SCN2A: variants seen among roughly 807,000 people sequenced by gnomAD.
SCN2A encodes sodium channel protein type 2 subunit alpha.
Under a neutral mutation model 188.7 loss-of-function variants are expected in SCN2A, and 20 were observed. The ratio of observed to expected loss-of-function variants is 0.11; its 90% CI spans 0.07 to 0.15. SCN2A has a LOEUF of 0.15. Ranked by LOEUF, SCN2A falls within the 10% of genes least tolerant of loss-of-function variation. The pLI, the probability that SCN2A is intolerant of heterozygous loss-of-function variation, is 1.00. For missense variants in SCN2A, 1,278 were observed against 2,445.0 expected (o/e 0.52, Z 10.07); for synonymous variants, 804 against 833.1 (o/e 0.97, Z 0.60).
Position 165,390,023 on chromosome 2 carries a change from C to A in SCN2A, c.*199C>A. 1 of 793,390 alleles carries A rather than the reference C, an allele frequency of 1.3e-6. No homozygotes were observed. Among genetic ancestry groups the A allele is most frequent in the African/African-American group, 1.7e-5 (1 of 57,314 alleles). 49.1% of individuals were successfully genotyped at this position (793,390 alleles called of 1,614,324 possible). A position where few individuals can be genotyped will look rare whatever the true frequency, so the allele number is the denominator to read the frequency against. The stretch of plus-strand genomic sequence containing the variant: ...ACTCAGTAAACTGGAGAAATAGTAT[C>A]GATGGGAGGTTTCTATTTTCACAAC... On this transcript the variant is annotated 3_prime_UTR_variant, in exon 27 of 27. Coordinates refer to ENST00000375437, the MANE Select transcript of SCN2A (RefSeq NM_001040142.2).
In SCN2A at chr2:165,260,710, T is replaced by C. The variant is rs147046958; in HGVS notation, c.-52+21070T>C. 8.8e-3 allele frequency among the ~76,000 whole-genome samples: 1,340 copies of C among 152,086 alleles called. 22 individuals are homozygous for C. The highest frequency in any genetic ancestry group is 0.062 in the East Asian group (318 of 5,144). ...GGCCAGGCATGGTGGCTCATGCCTG[T>C]AATCTCAGCACTTTGGGAGGCTGAG... is the stretch of plus-strand genomic sequence containing the variant. On this transcript the variant is annotated intron_variant, in intron 1 of 26. Coordinates refer to ENST00000375437, the MANE Select transcript of SCN2A (RefSeq NM_001040142.2).
intron 16 of SCN2A, among the ~76,000 whole-genome samples, chr2:165,350,464 C>CTTTCT (rs1699830486): frequency 4.1e-5 from 3 of 73,848 alleles, no homozygotes; most frequent in African/African-American, 6.1e-5. Flanking sequence ...TGTTTTCTTT[C>CTTTCT]TTTTTTTTTT....
At chr2:165,245,981 T>TTA (rs1340678147) in intron 1 of SCN2A, among the ~76,000 whole-genome samples, 7 of 152,154 alleles carry the variant, frequency 4.6e-5, no homozygotes, top group Non-Finnish European at 1.0e-4. Context: ...GAATCCTTAG[T>TTA]TATATCACCA....
intron 17 of SCN2A, among the ~76,000 whole-genome samples, chr2:165,360,912 T>C (rs1700429710): frequency 6.6e-6 from 1 of 151,990 alleles, no homozygotes; most frequent in Non-Finnish European, 1.5e-5. Context: ...CTGAAAATTC[T>C]TAAGTGCATG....
chr2:165,265,475 A>ATATATATC (rs1694806769), intron 1 of SCN2A, among the ~76,000 whole-genome samples: 2 of 69,612 alleles, frequency 2.9e-5, no homozygotes, highest in Non-Finnish European at 5.6e-5. Context: ...GTTGATCTAT[A>ATATATATC]TATATATATA....
intron 17 of SCN2A, among the ~76,000 whole-genome samples, chr2:165,361,308 C>A (rs946756724): frequency 1.3e-5 from 2 of 151,868 alleles, no homozygotes; most frequent in African/African-American, 4.8e-5. Context: ...TGAATTAATA[C>A]TAAAGTTCAT....
chr2:165,318,034 A>G (rs542781143), intron 11 of SCN2A, among the ~76,000 whole-genome samples: 2 of 152,146 alleles, frequency 1.3e-5, no homozygotes, highest in South Asian at 4.2e-4. Context: ...GAAAATGTCA[A>G]ACCAGATAGA....
In SCN2A at chr2:165,370,142, A is replaced by T; in HGVS notation, c.3692A>T (p.Tyr1231Phe). Residue 1231 changes from tyrosine (Y) to phenylalanine (F), a missense_variant, in exon 20 of 27, where the codon TAC (tyrosine) becomes TTC (phenylalanine). Around this residue, in one of 17 missense-constraint regions of SCN2A, gnomAD observed 228 missense variants for 297.3 expected, o/e 0.77. Transcript: ENST00000375437. ...SSGALAFEDI[Y>F]IEQRKTIKTM... ...GACTTACAGGCCTTTGAAGATATAT[A>T]CATTGAGCAGCGAAAAACCATTAAG... 6.2e-7 allele frequency: 1 copy of T among 1,614,058 alleles called. No homozygotes were observed. Among genetic ancestry groups the T allele is most frequent in the Non-Finnish European group, 8.5e-7 (1 of 1,179,904 alleles).
At chr2:165,315,414 C>T (rs982694414) in intron 10 of SCN2A, 57 bp from the exon 11 acceptor site, 50 of 1,608,724 alleles carry the variant, frequency 3.1e-5, no homozygotes, top group Non-Finnish European at 4.0e-5. Flanking sequence ...TAAGCAGTAA[C>T]ATGATAATTA....
chr2:165,359,815 G>T (rs1574677915), intron 17 of SCN2A, among the ~76,000 whole-genome samples: 1 of 151,820 alleles, frequency 6.6e-6, no homozygotes, highest in Non-Finnish European at 1.5e-5. Context: ...CGTGTCTTTG[G>T]GTCACTGGTA....
chr2:165,317,979 C>G lies in SCN2A; in HGVS notation c.1671+2221C>G, dbSNP rs149602988. On this transcript the variant is annotated intron_variant, in intron 11 of 26. Transcript: ENST00000375437. ...AAGAAGAGAGGAGAGACAGAAAACC[C>G]TGAAATCACACCAACCCCACTTGGC... Among the ~76,000 whole-genome samples the G allele has an allele frequency of 2.5e-3, 381 of 152,110 alleles. 12 individuals carry two copies. The East Asian group carries it at 0.064, about 25-fold the overall frequency.
chr2:165,290,067 G>A (rs1574508814), intron 1 of SCN2A, among the ~76,000 whole-genome samples: 1 of 152,080 alleles, frequency 6.6e-6, no homozygotes, highest in East Asian at 1.9e-4. Flanking sequence ...GGATGCCTCT[G>A]TTTATTCCTG....
intron 1 of SCN2A, among the ~76,000 whole-genome samples, chr2:165,276,437 T>G (rs2106113569): frequency 6.6e-6 from 1 of 152,308 alleles, no homozygotes; most frequent in South Asian, 2.1e-4. Flanking sequence ...TTGACATGTT[T>G]TGCTGAAAAT....
intron 11 of SCN2A, 124 bp downstream of exon 11, chr2:165,315,882 A>G (rs1697720886): frequency 1.7e-6 from 2 of 1,147,396 alleles, no homozygotes; most frequent in African/African-American, 3.1e-5. Flanking sequence ...AGTGATGATT[A>G]TCAAGTGTTT....
chr2:165,318,973 A>C, intron 11 of SCN2A, among the ~76,000 whole-genome samples: 1 of 152,364 alleles, frequency 6.6e-6, no homozygotes, highest in South Asian at 2.1e-4. Flanking sequence ...TAATGTAGTT[A>C]ATAGGATTAA....
intron 14 of SCN2A, among the ~76,000 whole-genome samples, chr2:165,331,997 G>A (rs1319356236): frequency 6.6e-6 from 1 of 151,866 alleles, no homozygotes; most frequent in Non-Finnish European, 1.5e-5. Flanking sequence ...ACATCATCTG[G>A]GGGATTATTA....
Position 165,326,970 on chromosome 2 carries a change from C to A in SCN2A, c.2135C>A (p.Thr712Asn). The A allele has an allele frequency of 6.2e-7, 1 of 1,613,914 alleles. No homozygotes were observed. The highest frequency in any genetic ancestry group is 1.1e-5 in the South Asian group (1 of 91,080). Residue 712 changes from threonine to asparagine, a missense_variant, in exon 13 of 27, where the codon ACC becomes AAC. Physicochemically the swap from Thr to Asn is moderately conservative, Grantham distance 65 (BLOSUM62 0). Transcript: ENST00000375437. Reference sequence around the variant, plus strand: ...GCAATGAGTATAGCCAGTATTTTGACCAACACCATGGAAGGTATGTTAAAA... The same window carrying A: ...GCAATGAGTATAGCCAGTATTTTGAACAACACCATGGAAGGTATGTTAAAA... ...QRAMSIASILTNTMEELEESR... is the reference protein window; with the variant it reads ...QRAMSIASILNNTMEELEESR...
chr2:165,275,384 C>T (rs758310929), intron 1 of SCN2A, among the ~76,000 whole-genome samples: 18 of 152,130 alleles, frequency 1.2e-4, no homozygotes, highest in Non-Finnish European at 2.2e-4. Context: ...CATAAATTTT[C>T]TTTCCCTGGA....
chr2:165,379,167 CT>C (rs36015842), intron 23 of SCN2A, among the ~76,000 whole-genome samples: 2 of 151,546 alleles, frequency 1.3e-5, no homozygotes, highest in South Asian at 4.1e-4. Flanking sequence ...ATGAATATAA[CT>C]TTTTTTTGCA....
Sources: gnomAD v4.1 joint callset for allele counts (sites outside exome capture counted in the v4.1 genomes callset) on GRCh38, gnomAD v4.1.1 for gene constraint, gnomAD v4.1.1 regional missense constraint, MANE v1.5 for transcripts, NCBI Gene and HGNC (gene_info 2026-07-23, HGNC 2026-07-21) for gene names.